Variants in FRMPD2 observed in about 807,000 individuals in gnomAD.
FRMPD2 encodes FERM and PDZ domain containing 2.
FRMPD2 carries 96 observed loss-of-function variants against 140.1 expected under a neutral mutation model. The observed-to-expected ratio is 0.69, with a 90% CI of 0.58 to 0.81. The LOEUF is 0.81. FRMPD2 is among the 40% of genes least tolerant of loss of function. FRMPD2 has a pLI of 0.00. For missense variants in FRMPD2, 1,240 were observed against 1,447.4 expected, an observed-to-expected ratio of 0.86 and a Z score of 2.32; for synonymous variants, 449 against 547.6, an observed-to-expected ratio of 0.82 and a Z score of 2.52.
intron 16 of FRMPD2, among the ~76,000 whole-genome samples, chr10:48,190,096 G>A (rs542167121): frequency 4.6e-5 from 7 of 152,246 alleles, no homozygotes; most frequent in Admixed American, 3.3e-4. Flanking sequence ...AGGGGCCCCC[G>A]GCAGAATGGC....
At chr10:48,197,886 T>G (rs949750421) in intron 15 of FRMPD2, among the ~76,000 whole-genome samples, 1 of 152,196 alleles carries the variant, frequency 6.6e-6, no homozygotes, top group Non-Finnish European at 1.5e-5. Context: ...GCCAGCACAT[T>G]ACTTAACTTT....
At chr10:48,191,459 T>C (rs1280981569) in intron 16 of FRMPD2, among the ~76,000 whole-genome samples, 2 of 152,234 alleles carry the variant, frequency 1.3e-5, no homozygotes, top group Admixed American at 1.3e-4. Flanking sequence ...TAAGCCACTG[T>C]GCTTTGGGGT....
chr10:48,183,262 G>A (rs1034823158), intron 20 of FRMPD2, among the ~76,000 whole-genome samples: 5 of 152,166 alleles, frequency 3.3e-5, no homozygotes, highest in African/African-American at 2.4e-5. Flanking sequence ...AAGCAATCAT[G>A]AGCCTGAATT....
chr10:48,174,825 A>C (rs1838363448), intron 24 of FRMPD2, 45 bp downstream of exon 24: 1 of 691,178 alleles, frequency 1.4e-6, no homozygotes, highest in Non-Finnish European at 2.6e-6. Flanking sequence ...GTTGTTCAGG[A>C]AAGTTCCGGA....
intron 26 of FRMPD2, among the ~76,000 whole-genome samples, chr10:48,169,065 A>G (rs1838173244): frequency 6.7e-6 from 1 of 149,850 alleles, no homozygotes; most frequent in African/African-American, 2.5e-5. Context: ...TGCCAATACC[A>G]ATGCCTTTTC....
Position 48,222,348 on chromosome 10 carries a change from C to T in FRMPD2, c.1420G>A (p.Ala474Thr). ...TAATTGCCAAACTCAGCCTGCAAGG[C>T]AAGGACCCCCAGCTGCAGCAGTATC... ...EEILLQLGVL[A>T]LQAEFGNYPK... The change falls in exon 12 of 29, where the codon GCC (alanine) becomes ACC (threonine). Residue 474 changes from alanine to threonine, a missense_variant. By Grantham distance (58) the Ala-to-Thr change is moderately conservative. Transcript: ENST00000374201. 6 of 1,614,138 alleles carry T rather than the reference C, an allele frequency of 3.7e-6. No individual in the cohort carries two copies. Among genetic ancestry groups the T allele is most frequent in the South Asian group, 1.1e-5 (1 of 91,072 alleles).
At chr10:48,251,439 C>G (rs1840379158) in intron 2 of FRMPD2, 127 bp downstream of exon 2, 1 of 1,147,440 alleles carries the variant, frequency 8.7e-7, no homozygotes, top group South Asian at 1.4e-5. Context: ...ACAGATCAAG[C>G]AGCAGCAACC....
chr10:48,183,497 T>C (rs1439806263), intron 20 of FRMPD2, among the ~76,000 whole-genome samples: 1 of 152,146 alleles, frequency 6.6e-6, no homozygotes, highest in East Asian at 1.9e-4. Flanking sequence ...TACTTTACTC[T>C]TTAGGTTGAT....
intron 3 of FRMPD2, 161 bp downstream of exon 3, chr10:48,248,860 T>C (rs1037572963): frequency 1.9e-6 from 1 of 525,354 alleles, no homozygotes; most frequent in East Asian, 3.2e-5. Flanking sequence ...TAGTAAGTTG[T>C]TGACAAGAAA....
chr10:48,247,374 TG>T (rs1840274257), intron 3 of FRMPD2, among the ~76,000 whole-genome samples: 2 of 152,186 alleles, frequency 1.3e-5, no homozygotes, highest in South Asian at 4.1e-4. Flanking sequence ...AAGGGTTAAG[TG>T]CAGACCCTTC....
intron 14 of FRMPD2, among the ~76,000 whole-genome samples, chr10:48,203,786 A>G (rs1361498352): frequency 1.3e-5 from 2 of 152,154 alleles, no homozygotes; most frequent in Non-Finnish European, 2.9e-5. Context: ...ATGCATTCAC[A>G]TGGTCTTATA....
At chr10:48,222,167 TGG>T (rs1488375413) in intron 12 of FRMPD2, 144 bp downstream of exon 12, 24 of 724,070 alleles carry the variant, frequency 3.3e-5, no homozygotes, top group Non-Finnish European at 4.9e-5. Flanking sequence ...GATGGATGGA[TGG>T]ATGGATAAAT....
At chr10:48,217,588 A>G (rs114528619) in intron 12 of FRMPD2, among the ~76,000 whole-genome samples, 2,292 of 152,294 alleles carry the variant, frequency 0.015, 62 homozygotes, top group African/African-American at 0.052. Context: ...GGAGATATCA[A>G]TGTGCATTGC....
At chr10:48,271,714 C>T (rs371124166) in intron 1 of FRMPD2, among the ~76,000 whole-genome samples, 16 of 152,174 alleles carry the variant, frequency 1.1e-4, no homozygotes, top group African/African-American at 2.9e-4. Flanking sequence ...GAATCAGCCT[C>T]GAAAGCAGAC....
Position 48,244,825 on chromosome 10 carries a change from T to C in FRMPD2, c.334A>G (p.Thr112Ala). 3 of 1,613,164 alleles carry C rather than the reference T, an allele frequency of 1.9e-6. No homozygotes were observed. The highest frequency in any genetic ancestry group is 1.7e-6 in the Non-Finnish European group (2 of 1,179,188). ...TGAAACCCTGCTGACCAGTAGAGGGTCATTCCTAAAGAATAGACATGCATC... is the reference window on the plus strand; with the variant it reads ...TGAAACCCTGCTGACCAGTAGAGGGCCATTCCTAAAGAATAGACATGCATC... ...SQMHVYSLGM[T>A]LYWSAGFHVP... Residue 112 changes from threonine (T) to alanine (A), a missense_variant, in exon 4 of 29, where the codon ACC (threonine) becomes GCC (alanine). Around this residue, in one of 6 missense-constraint regions of FRMPD2, gnomAD observed 1,161 missense variants for 1,055.9 expected, o/e 1.10. Coordinates refer to ENST00000374201, the MANE Select transcript of FRMPD2 (RefSeq NM_001018071.4).
chr10:48,251,423 G>A (rs1588855571), intron 2 of FRMPD2, 143 bp downstream of exon 2: 1 of 982,168 alleles, frequency 1.0e-6, no homozygotes, highest in Non-Finnish European at 1.5e-6. Flanking sequence ...ATACCTCAGA[G>A]TAATCACAGA....
intron 12 of FRMPD2, among the ~76,000 whole-genome samples, chr10:48,221,127 G>A (rs1839576437): frequency 6.6e-6 from 1 of 152,168 alleles, no homozygotes; most frequent in South Asian, 2.1e-4. Flanking sequence ...ATACATAAAA[G>A]ATACTTGCAC....
At chr10:48,227,751 T>C (rs1839756740) in intron 10 of FRMPD2, among the ~76,000 whole-genome samples, 1 of 152,194 alleles carries the variant, frequency 6.6e-6, no homozygotes, top group South Asian at 2.1e-4. Context: ...AGATTTGGCT[T>C]GAAGGAAGAA....
intron 15 of FRMPD2, 141 bp downstream of exon 15, chr10:48,201,086 AT>A (rs1403507341): frequency 1.9e-6 from 1 of 540,134 alleles, no homozygotes; most frequent in Non-Finnish European, 2.9e-6. Context: ...ACTGTATTTC[AT>A]TTTTATTGTA....
Sources: allele counts gnomAD v4.1 joint callset (sites outside exome capture counted in the v4.1 genomes callset), GRCh38; gene constraint gnomAD v4.1.1; regional missense constraint gnomAD v4.1.1; transcripts MANE v1.5; gene names NCBI Gene and HGNC (gene_info 2026-07-23, HGNC 2026-07-21).